TMEM255B: variants seen among roughly 807,000 people sequenced by gnomAD.
TMEM255B encodes family with sequence similarity 70, member B.
In TMEM255B, 35 loss-of-function variants were observed where a neutral mutation model predicts 34.5. The ratio of observed to expected loss-of-function variants is 1.01; its 90% CI spans 0.77 to 1.34. TMEM255B has a LOEUF of 1.34. TMEM255B is among the 40% of genes most tolerant of loss of function. The pLI, the probability that TMEM255B is intolerant of heterozygous loss-of-function variation, is 0.00. For synonymous variants in TMEM255B, 206 were observed against 201.2 expected (o/e 1.02, Z -0.20); for missense variants, 432 against 433.2 (o/e 1.00, Z 0.02).
chr13:113,769,273 C>A lies in TMEM255B; in HGVS notation c.252+113C>A. The A allele has an allele frequency of 1.7e-6, 2 of 1,203,430 alleles. No homozygotes were observed. Among genetic ancestry groups the A allele is most frequent in the Non-Finnish European group, 2.4e-6 (2 of 818,566 alleles). 74.5% of individuals were successfully genotyped at this position (1,203,430 alleles called of 1,614,324 possible). A position where few individuals can be genotyped will look rare whatever the true frequency, so the allele number is the denominator to read the frequency against. On this transcript the variant is annotated intron_variant, in intron 3 of 8. Coordinates refer to ENST00000375353, the MANE Select transcript of TMEM255B (RefSeq NM_182614.4). This position sits in a 1 kb window ranked among gnomAD's most constrained non-coding sequence, Gnocchi z 4.2. The stretch of plus-strand genomic sequence containing the variant: ...TGCCTCCCCAGCACACTGGTGTCTA[C>A]AGGACCAGCTCTGAGGTTCCCGGGC...
At chr13:113,788,426 C>A (rs1198798658) in intron 3 of TMEM255B, among the ~76,000 whole-genome samples, 5 of 143,076 alleles carry the variant, frequency 3.5e-5, no homozygotes, top group African/African-American at 1.1e-4. Context: ...AGGTGCCTCT[C>A]GCAGGTGGAG....
chr13:113,797,649 C>T (rs150560118), intron 4 of TMEM255B, among the ~76,000 whole-genome samples: 97 of 152,338 alleles, frequency 6.4e-4, no homozygotes, highest in Middle Eastern at 3.4e-3. Context: ...TCACCTAGAA[C>T]GCATCCGGCC....
At chr13:113,776,798 G>A (rs1474473956) in intron 3 of TMEM255B, among the ~76,000 whole-genome samples, 1 of 152,158 alleles carries the variant, frequency 6.6e-6, no homozygotes, top group African/African-American at 2.4e-5. Flanking sequence ...CCATCCTGAT[G>A]CGTGAGCTGG....
At position 113,803,507 on chromosome 13, in the gene TMEM255B, CAG is replaced by C. The variant is rs916238515; in HGVS notation, c.670-1377_670-1376del. ...AGGGCGGGCGGCTGAGCCAGCCTCT[CAG>C]GGGCCTCCTCCGCGTGTGACTCCGT... On this transcript the variant is annotated intron_variant, in intron 7 of 8. Transcript: ENST00000375353. Among the ~76,000 whole-genome samples the C allele has an allele frequency of 6.7e-5, 10 of 148,426 alleles. 2 individuals carry two copies. Among genetic ancestry groups the C allele is most frequent in the Middle Eastern group, 7.2e-3 (2 of 276 alleles).
At chr13:113,760,417 C>T (rs1375306885) in intron 1 of TMEM255B, among the ~76,000 whole-genome samples, 1 of 152,180 alleles carries the variant, frequency 6.6e-6, no homozygotes, top group Non-Finnish European at 1.5e-5. Flanking sequence ...TTAAAAATAG[C>T]ATCTGACTTA....
chr13:113,811,925 A>G lies in TMEM255B; in HGVS notation c.*22A>G. 1 of 1,544,752 alleles carries G rather than the reference A, an allele frequency of 6.5e-7. No individual in the cohort carries two copies. The highest frequency in any genetic ancestry group is 2.2e-5 in the Admixed American group (1 of 45,248). On this transcript the variant is annotated 3_prime_UTR_variant, in exon 9 of 9. Transcript: ENST00000375353. ...CTGATAGAGGCGTGGAGTAAAAGAT[A>G]ACTTGTTTGTTTTTTTTTTTAAAAA...
In TMEM255B at chr13:113,812,189, G is replaced by A. The variant is rs2051325920; in HGVS notation, c.*286G>A. 23 of 484,964 alleles carry A rather than the reference G, an allele frequency of 4.7e-5. No homozygotes were observed. In the South Asian group the frequency reaches 7.0e-4, roughly 15 times the overall value. 30.0% of individuals were successfully genotyped at this position (484,964 alleles called of 1,614,324 possible). On this transcript the variant is annotated 3_prime_UTR_variant, in exon 9 of 9. Coordinates refer to ENST00000375353, the MANE Select transcript of TMEM255B (RefSeq NM_182614.4). Reference sequence around the variant, plus strand: ...CTCCTCTGAGAGCAATTGTTCTGGTGTTTTCACATCCCTTAATTAATTAGC... The same window carrying A: ...CTCCTCTGAGAGCAATTGTTCTGGTATTTTCACATCCCTTAATTAATTAGC...
chr13:113,800,539 T>A (rs2051034584), intron 5 of TMEM255B, among the ~76,000 whole-genome samples: 2 of 152,084 alleles, frequency 1.3e-5, no homozygotes, highest in Admixed American at 1.3e-4. Context: ...CCACGCACCC[T>A]GATATTTCCC....
intron 3 of TMEM255B, among the ~76,000 whole-genome samples, chr13:113,774,873 ACGCAC>A (rs2050543741): frequency 6.9e-6 from 1 of 145,506 alleles, no homozygotes; most frequent in African/African-American, 2.6e-5. Context: ...ACACCACACA[ACGCAC>A]ACCACACACA....
At chr13:113,777,327 C>T (rs1007425945) in intron 3 of TMEM255B, among the ~76,000 whole-genome samples, 1 of 152,118 alleles carries the variant, frequency 6.6e-6, no homozygotes, top group African/African-American at 2.4e-5. Context: ...CCCAGCACAC[C>T]TGGATTTGAA....
At chr13:113,789,622 C>T (rs1300560542) in intron 3 of TMEM255B, among the ~76,000 whole-genome samples, 2 of 152,228 alleles carry the variant, frequency 1.3e-5, no homozygotes, top group African/African-American at 2.4e-5. Flanking sequence ...ACACCACTGC[C>T]TGGACTCGGG....
intron 4 of TMEM255B, among the ~76,000 whole-genome samples, chr13:113,799,103 C>G (rs2050995103): frequency 6.6e-6 from 1 of 152,196 alleles, no homozygotes; most frequent in Non-Finnish European, 1.5e-5. Context: ...TATGCATGGC[C>G]CGAGGTACCC....
chr13:113,759,670 G>A lies in TMEM255B; in HGVS notation c.46+355G>A, dbSNP rs374093255. Reference sequence around the variant, plus strand: ...CTGTTACGTTTTATTATGAGGAACAGGCGCCCCAAAGTGCGCTCCTTCCCC... The same window carrying A: ...CTGTTACGTTTTATTATGAGGAACAAGCGCCCCAAAGTGCGCTCCTTCCCC... On this transcript the variant is annotated intron_variant, in intron 1 of 8. Coordinates refer to ENST00000375353, the MANE Select transcript of TMEM255B (RefSeq NM_182614.4). Among the ~76,000 whole-genome samples, 60 of 152,294 alleles carry A rather than the reference G, an allele frequency of 3.9e-4. No individual in the cohort carries two copies. In the East Asian group the frequency reaches 0.01, roughly 26 times the overall value.
In TMEM255B at chr13:113,766,296, A is replaced by G. The variant is rs201308068; in HGVS notation, c.189+39A>G. On this transcript the variant is annotated intron_variant, in intron 2 of 8. Coordinates refer to ENST00000375353, the MANE Select transcript of TMEM255B (RefSeq NM_182614.4). ...GCGGGCGGCCTGGGCCGGGGAGGGC[A>G]GGGTGGTGTGTGGCTCTCTCAGGGT... is the stretch of plus-strand genomic sequence containing the variant. The G allele has an allele frequency of 3.7e-6, 6 of 1,612,398 alleles. No homozygotes were observed. The South Asian group carries it at 6.6e-5, about 18-fold the overall frequency.
rs1048632280 is a variant in TMEM255B, at chr13:113,806,193, G to A, written c.813+1165G>A. ...GAGGGCTCAGGTTTGAGCGGGGCCC[G>A]AGAGCCACGACCTTCTCAGCTCACC... On this transcript the variant is annotated intron_variant, in intron 8 of 8. Coordinates refer to ENST00000375353, the MANE Select transcript of TMEM255B (RefSeq NM_182614.4). This position sits in a 1 kb window ranked among gnomAD's most constrained non-coding sequence, Gnocchi z 4.2. 3.0e-4 allele frequency among the ~76,000 whole-genome samples: 46 copies of A among 152,134 alleles called. No homozygotes were observed. The highest frequency in any genetic ancestry group is 7.4e-5 in the Non-Finnish European group (5 of 68,016).
intron 3 of TMEM255B, among the ~76,000 whole-genome samples, chr13:113,782,683 GC>G (rs374726832): frequency 0.02 from 3,023 of 151,524 alleles, 67 homozygotes; most frequent in Middle Eastern, 0.027. Flanking sequence ...GGAGGGGGGG[GC>G]TTCATTATGA....
chr13:113,795,974 C>A (rs1165925188), intron 4 of TMEM255B, among the ~76,000 whole-genome samples: 7 of 140,878 alleles, frequency 5.0e-5, no homozygotes, highest in Non-Finnish European at 7.7e-5. Context: ...GAGCACACAG[C>A]ACACACACAA....
In TMEM255B at chr13:113,772,523, G is replaced by A. The variant is rs888887300; in HGVS notation, c.252+3363G>A. Among the ~76,000 whole-genome samples the A allele has an allele frequency of 4.3e-4, 66 of 152,192 alleles. 1 individual carries two copies. The highest frequency in any genetic ancestry group is 1.4e-3 in the African/African-American group (60 of 41,542). Reference sequence around the variant, plus strand: ...AGTTAACTTTTGCGTATGGTATGAGGTAGGAGTTATTATAGTTTTAACTCT... The same window carrying A: ...AGTTAACTTTTGCGTATGGTATGAGATAGGAGTTATTATAGTTTTAACTCT... On this transcript the variant is annotated intron_variant, in intron 3 of 8. Transcript: ENST00000375353.
rs9550254 is a variant in TMEM255B, at chr13:113,791,989, A to T, written c.253-3159A>T. On this transcript the variant is annotated intron_variant, in intron 3 of 8. Transcript: ENST00000375353. Reference sequence around the variant, plus strand: ...ACCCACGAGAAGGGTGCACTGCGGGACAGGAACATCCCCCGGAACTGCGGG... The same window carrying T: ...ACCCACGAGAAGGGTGCACTGCGGGTCAGGAACATCCCCCGGAACTGCGGG... Among the ~76,000 whole-genome samples the T allele has an allele frequency of 3.3e-5, 5 of 152,204 alleles. No individual in the cohort carries two copies. The East Asian group carries it at 5.9e-4, about 18-fold the overall frequency.
Sources: gnomAD v4.1 joint callset for allele counts (sites outside exome capture counted in the v4.1 genomes callset) on GRCh38, gnomAD v4.1.1 for gene constraint, Gnocchi (gnomAD v3.1) non-coding constraint, MANE v1.5 for transcripts, NCBI Gene and HGNC (gene_info 2026-07-23, HGNC 2026-07-21) for gene names.